Variants in KHDRBS2 observed in about 807,000 individuals in gnomAD.
KHDRBS2 encodes KH RNA binding domain containing, signal transduction associated 2.
A neutral mutation model predicts 44.3 loss-of-function variants in KHDRBS2; 26 were observed. That is an observed-to-expected ratio of 0.59 (90% CI 0.43 to 0.81). KHDRBS2 has a LOEUF of 0.81. KHDRBS2 is among the 40% of genes least tolerant of loss of function. The pLI is 0.00. For missense variants in KHDRBS2, 476 were observed against 433.1 expected, an observed-to-expected ratio of 1.10 and a Z score of -0.88; for synonymous variants, 194 against 151.1, an observed-to-expected ratio of 1.28 and a Z score of -2.08.
chr6:62,055,604 A>G (rs1005118092), intron 2 of KHDRBS2, among the ~76,000 whole-genome samples: 1 of 152,068 alleles, frequency 6.6e-6, no homozygotes, highest in Non-Finnish European at 1.5e-5. Context: ...CATGTACAAG[A>G]GTATTCAGTC....
Position 62,057,696 on chromosome 6 carries a change from T to C in KHDRBS2, c.220-9702A>G, listed in dbSNP as rs1446896199. 2.0e-5 allele frequency among the ~76,000 whole-genome samples: 3 copies of C among 151,926 alleles called. No homozygotes were observed. In the East Asian group the frequency reaches 5.8e-4, roughly 30 times the overall value. On this transcript the variant is annotated intron_variant, in intron 2 of 8. Transcript: ENST00000281156. ...CTAAGATTCTTAAGGCTTAGCAGAG[T>C]GAACACAGCTGTGTTTTCAGTGGAT...
chr6:61,751,878 C>A (rs1245801365), intron 6 of KHDRBS2, among the ~76,000 whole-genome samples: 1 of 145,130 alleles, frequency 6.9e-6, no homozygotes, highest in Non-Finnish European at 1.5e-5. Flanking sequence ...CCTCTCTCCT[C>A]AGCTTGCAAA....
At chr6:61,984,345 A>C (rs540092539) in intron 3 of KHDRBS2, among the ~76,000 whole-genome samples, 1 of 152,290 alleles carries the variant, frequency 6.6e-6, no homozygotes, top group South Asian at 2.1e-4. Flanking sequence ...CAATCAACCT[A>C]GCTTTTTTTG....
At chr6:61,672,695 G>A in the KHDRBS2 span, among the ~76,000 whole-genome samples, 46 of 147,526 alleles carry the variant, frequency 3.1e-4, no homozygotes, top group Non-Finnish European at 5.7e-4. Flanking sequence ...ATGGGGTTGT[G>A]TGTTTTTTTC....
At position 62,202,180 on chromosome 6, in the gene KHDRBS2, C is replaced by T. The variant is rs143939847; in HGVS notation, c.92-24868G>A. Among the ~76,000 whole-genome samples the T allele has an allele frequency of 2.5e-3, 381 of 152,034 alleles. 1 individual carries two copies. The highest frequency in any genetic ancestry group is 8.8e-3 in the African/African-American group (365 of 41,500). ...TAATTGAAAATAGCAGTTTAAAACA[C>T]GTTATACCATTCTCAAATATGTGTA... On this transcript the variant is annotated intron_variant, in intron 1 of 8. Coordinates refer to ENST00000281156, the MANE Select transcript of KHDRBS2 (RefSeq NM_152688.4).
At chr6:61,903,178 G>A (rs543097092) in intron 4 of KHDRBS2, among the ~76,000 whole-genome samples, 62 of 152,236 alleles carry the variant, frequency 4.1e-4, no homozygotes, top group African/African-American at 1.4e-3. Context: ...ATAATGAATT[G>A]CCACTACTGA....
the KHDRBS2 span, among the ~76,000 whole-genome samples, chr6:61,571,036 A>G: frequency 1.7e-4 from 26 of 152,260 alleles, no homozygotes; most frequent in South Asian, 5.2e-3. Flanking sequence ...TAAGGCAACA[A>G]CTAGCATGAT....
Position 61,945,123 on chromosome 6 carries a change from A to G in KHDRBS2, c.483+32943T>C, listed in dbSNP as rs866692430. ...AAAAAAAAAAAAAAAGTATATATAT[A>G]TATATATATATATATATATATATAT... On this transcript the variant is annotated intron_variant, in intron 4 of 8. Transcript: ENST00000281156. Among the ~76,000 whole-genome samples the G allele has an allele frequency of 4.3e-3, 319 of 74,004 alleles. 29 individuals carry two copies. In the South Asian group the frequency reaches 0.066, roughly 15 times the overall value. The allele number at this position is 74,004 out of a possible 152,430, so 48.5% of individuals were successfully genotyped here. A position where few individuals can be genotyped will look rare whatever the true frequency, so the allele number is the denominator to read the frequency against.
At chr6:61,874,134 T>C (rs1327177584) in intron 6 of KHDRBS2, among the ~76,000 whole-genome samples, 1 of 152,124 alleles carries the variant, frequency 6.6e-6, no homozygotes, top group Non-Finnish European at 1.5e-5. Context: ...ATTATGTAAT[T>C]TTTTATATGA....
At chr6:61,676,378 A>G (rs1356271757), downstream of KHDRBS2, among the ~76,000 whole-genome samples, 1 of 151,866 alleles carries the variant, frequency 6.6e-6, no homozygotes, top group Non-Finnish European at 1.5e-5. Flanking sequence ...AAATCATCCC[A>G]GCCAATTCAG....
At chr6:62,124,044 A>G (rs1412193096) in intron 2 of KHDRBS2, among the ~76,000 whole-genome samples, 1 of 152,182 alleles carries the variant, frequency 6.6e-6, no homozygotes, top group Admixed American at 6.5e-5. Flanking sequence ...GGCAAAGGTT[A>G]CAAGTAACTT....
chr6:61,892,471 TG>T (rs1396833971), intron 6 of KHDRBS2, among the ~76,000 whole-genome samples: 1 of 152,182 alleles, frequency 6.6e-6, no homozygotes, highest in Admixed American at 6.5e-5. Context: ...AGAACAAAGC[TG>T]GATGCATCAT....
intron 1 of KHDRBS2, among the ~76,000 whole-genome samples, chr6:62,272,420 T>C (rs1840239072): frequency 6.6e-6 from 1 of 152,190 alleles, no homozygotes; most frequent in African/African-American, 2.4e-5. Flanking sequence ...CAGACCTATG[T>C]AGCAGGCTGA....
At chr6:62,165,281 G>A (rs1818440836) in intron 2 of KHDRBS2, among the ~76,000 whole-genome samples, 1 of 141,978 alleles carries the variant, frequency 7.0e-6, no homozygotes, top group Non-Finnish European at 1.5e-5. Flanking sequence ...TTATTCATTG[G>A]CGCTTAATTT....
intron 2 of KHDRBS2, among the ~76,000 whole-genome samples, chr6:62,161,603 T>G (rs150407530): frequency 0.015 from 1,829 of 124,092 alleles, 44 homozygotes; most frequent in African/African-American, 0.052. Flanking sequence ...GAACAAATCC[T>G]CTGAAGATTT....
At chr6:62,237,808 A>T (rs1240301542) in intron 1 of KHDRBS2, among the ~76,000 whole-genome samples, 1 of 152,156 alleles carries the variant, frequency 6.6e-6, no homozygotes, top group Non-Finnish European at 1.5e-5. Context: ...TGGGAGGCAG[A>T]GGTGGGCAGA....
intron 6 of KHDRBS2, among the ~76,000 whole-genome samples, chr6:61,784,508 GT>G (rs1273174193): frequency 6.6e-6 from 1 of 151,812 alleles, no homozygotes; most frequent in Non-Finnish European, 1.5e-5. Context: ...TACCAATTTT[GT>G]TTTTGAATCA....
rs1181636570 is a variant in KHDRBS2, at chr6:61,945,110, AAAGTATATATATAT to A, written c.483+32942_483+32955del. ...TGTCTTAAAAAAAAAAAAAAAAAAA[AAAGTATATATATAT>A]ATATATATATATATATATATATATA... On this transcript the variant is annotated intron_variant, in intron 4 of 8. Coordinates refer to ENST00000281156, the MANE Select transcript of KHDRBS2 (RefSeq NM_152688.4). 1.5e-4 allele frequency among the ~76,000 whole-genome samples: 7 copies of A among 46,272 alleles called. 1 individual carries two copies. Among genetic ancestry groups the A allele is most frequent in the East Asian group, 8.8e-4 (2 of 2,274 alleles). The allele number at this position is 46,272 out of a possible 152,430, so 30.4% of individuals were successfully genotyped here.
chr6:61,615,941 A>G, the KHDRBS2 span, among the ~76,000 whole-genome samples: 2 of 152,170 alleles, frequency 1.3e-5, no homozygotes, highest in Non-Finnish European at 2.9e-5. Context: ...TTCAAAGTTG[A>G]CCAATCCATA....
Sources: gnomAD v4.1 joint callset for allele counts (sites outside exome capture counted in the v4.1 genomes callset) on GRCh38, gnomAD v4.1.1 for gene constraint, MANE v1.5 for transcripts, NCBI Gene and HGNC (gene_info 2026-07-23, HGNC 2026-07-21) for gene names.